Variants in ATP8B1 observed in about 807,000 individuals in gnomAD.
ATP8B1 encodes ATPase phospholipid transporting 8B1.
A neutral mutation model predicts 149.9 loss-of-function variants in ATP8B1; 80 were observed. The observed-to-expected ratio is 0.53, with a 90% CI of 0.45 to 0.64. The LOEUF (loss-of-function observed/expected upper bound fraction) is 0.64, where lower values mean the gene tolerates loss of function less well. Among genes scored for constraint, ATP8B1 ranks in the 30% least tolerant of loss-of-function variants. The pLI is 0.00. For synonymous variants in ATP8B1, 536 were observed against 562.8 expected (o/e 0.95, Z 0.67); for missense variants, 1,247 against 1,552.6 (o/e 0.80, Z 3.31).
intron 15 of ATP8B1, among the ~76,000 whole-genome samples, chr18:57,678,312 G>T (rs1251246357): frequency 6.6e-6 from 1 of 152,142 alleles, no homozygotes; most frequent in Non-Finnish European, 1.5e-5. Context: ...TTAGGGCAGG[G>T]CACGGTGGCT....
At chr18:57,694,804 C>T (rs745687546) in intron 10 of ATP8B1, 134 bp from the exon 11 acceptor site, 49 of 731,018 alleles carry the variant, frequency 6.7e-5, no homozygotes, top group Non-Finnish European at 1.1e-4. Flanking sequence ...CTGAGTTGGG[C>T]GGATCACCTG....
intron 18 of ATP8B1, 89 bp downstream of exon 18, chr18:57,669,229 A>C: frequency 7.5e-7 from 1 of 1,327,416 alleles, no homozygotes; most frequent in Non-Finnish European, 1.0e-6. Flanking sequence ...TTATCTCTTA[A>C]GCATGAGATC....
Position 57,648,246 on chromosome 18 carries a change from A to G in ATP8B1, c.*242T>C, listed in dbSNP as rs757204179. On this transcript the variant is annotated 3_prime_UTR_variant, in exon 28 of 28. Coordinates refer to ENST00000648908, the MANE Select transcript of ATP8B1 (RefSeq NM_001374385.1). ...GGTGATCTCCCCTCCTCAGCCTCCT[A>G]AAGTGCTGGGATTACAGACCTGAGC... The G allele has an allele frequency of 1.6e-4, 97 of 590,756 alleles. No homozygotes were observed. The highest frequency in any genetic ancestry group is 2.7e-4 in the Non-Finnish European group (89 of 330,014). The allele number at this position is 590,756 out of a possible 1,614,324, so 36.6% of individuals were successfully genotyped here.
At chr18:57,786,189 C>G (rs933797625) in intron 1 of ATP8B1, among the ~76,000 whole-genome samples, 1 of 152,186 alleles carries the variant, frequency 6.6e-6, no homozygotes, top group African/African-American at 2.4e-5. Flanking sequence ...AAGGTGGCCA[C>G]TAGTGTAAAC....
intron 1 of ATP8B1, among the ~76,000 whole-genome samples, chr18:57,759,520 C>T (rs1242810049): frequency 6.6e-6 from 1 of 151,742 alleles, no homozygotes; most frequent in East Asian, 1.9e-4. Flanking sequence ...ATCAAAGAAA[C>T]CAGGAAGGGC....
intron 2 of ATP8B1, among the ~76,000 whole-genome samples, chr18:57,712,048 C>CACATATATAT (rs1555694094): frequency 6.9e-6 from 1 of 144,332 alleles, no homozygotes; most frequent in African/African-American, 2.7e-5. Flanking sequence ...CCTCTATTGG[C>CACATATATAT]ATATATATAT....
At chr18:57,662,764 AT>A (rs1910556151) in intron 20 of ATP8B1, 149 bp from the exon 21 acceptor site, 15 of 935,872 alleles carry the variant, frequency 1.6e-5, no homozygotes, top group Middle Eastern at 3.4e-4. Flanking sequence ...TTTCATTATA[AT>A]TTTTTTGAGA....
At chr18:57,671,100 T>C (rs1445882960) in intron 17 of ATP8B1, among the ~76,000 whole-genome samples, 1 of 152,254 alleles carries the variant, frequency 6.6e-6, no homozygotes, top group Non-Finnish European at 1.5e-5. Flanking sequence ...TTCCTTCCTT[T>C]GCACTACAAC....
In ATP8B1 at chr18:57,689,227, T is replaced by G. The variant is rs1912408812; in HGVS notation, c.1221-720A>C. Among the ~76,000 whole-genome samples the G allele has an allele frequency of 5.3e-5, 8 of 152,254 alleles. No individual in the cohort carries two copies. In the South Asian group the frequency reaches 1.7e-3, roughly 32 times the overall value. On this transcript the variant is annotated intron_variant, in intron 12 of 27. Coordinates refer to ENST00000648908, the MANE Select transcript of ATP8B1 (RefSeq NM_001374385.1). ...CATTCCCCATAGCACCCAGGGGCAC[T>G]GGAATGGCCATGTTCACCTTTGCCC...
intron 11 of ATP8B1, among the ~76,000 whole-genome samples, chr18:57,694,237 A>G (rs1336788636): frequency 6.6e-6 from 1 of 152,116 alleles, no homozygotes; most frequent in African/African-American, 2.4e-5. Context: ...TGGGAAAGTA[A>G]CAGCAATGAA....
chr18:57,795,384 C>G (rs1197066840), intron 1 of ATP8B1, among the ~76,000 whole-genome samples: 1 of 152,030 alleles, frequency 6.6e-6, no homozygotes, highest in Non-Finnish European at 1.5e-5. Flanking sequence ...GCCTGGGCAA[C>G]AGAGTGAGAC....
chr18:57,788,589 A>C (rs1375525267), intron 1 of ATP8B1, among the ~76,000 whole-genome samples: 1 of 151,884 alleles, frequency 6.6e-6, no homozygotes, highest in Non-Finnish European at 1.5e-5. Context: ...AAAGAAAAGA[A>C]AATTAACTGC....
intron 1 of ATP8B1, among the ~76,000 whole-genome samples, chr18:57,770,433 C>T (rs2080254472): frequency 6.6e-6 from 1 of 152,252 alleles, no homozygotes; most frequent in South Asian, 2.1e-4. Flanking sequence ...GTTCTATATG[C>T]AATGGCACCA....
chr18:57,738,752 G>A (rs2079883318), intron 1 of ATP8B1, among the ~76,000 whole-genome samples: 1 of 152,016 alleles, frequency 6.6e-6, no homozygotes, highest in Non-Finnish European at 1.5e-5. Context: ...ATCTCTCCCT[G>A]GAAATGCTGC....
At chr18:57,691,599 A>ACTTG (rs2122869360) in intron 12 of ATP8B1, among the ~76,000 whole-genome samples, 1 of 152,360 alleles carries the variant, frequency 6.6e-6, no homozygotes, top group East Asian at 1.9e-4. Context: ...ATCTGCAAAC[A>ACTTG]GGATGAGATA....
intron 1 of ATP8B1, among the ~76,000 whole-genome samples, chr18:57,768,001 A>T (rs538176018): frequency 3.0e-4 from 45 of 152,312 alleles, no homozygotes; most frequent in East Asian, 1.9e-4. Flanking sequence ...ATTGATTTTT[A>T]AAAAATCTAT....
At chr18:57,781,481 A>G (rs928558336) in intron 1 of ATP8B1, among the ~76,000 whole-genome samples, 1 of 152,218 alleles carries the variant, frequency 6.6e-6, no homozygotes, top group Non-Finnish European at 1.5e-5. Flanking sequence ...TCCAGAGCTC[A>G]GAAAGATTAG....
chr18:57,690,925 C>A (rs1022320215), intron 12 of ATP8B1, among the ~76,000 whole-genome samples: 1 of 152,066 alleles, frequency 6.6e-6, no homozygotes, highest in Non-Finnish European at 1.5e-5. Context: ...CCTGTAATCC[C>A]AGCACTTTGG....
chr18:57,768,445 A>G (rs2123362476), intron 1 of ATP8B1, among the ~76,000 whole-genome samples: 1 of 151,524 alleles, frequency 6.6e-6, no homozygotes, highest in Non-Finnish European at 1.5e-5. Context: ...GAATTTTCTT[A>G]AGCTACTAAG....
Sources: allele counts gnomAD v4.1 joint callset (sites outside exome capture counted in the v4.1 genomes callset), GRCh38; gene constraint gnomAD v4.1.1; transcripts MANE v1.5; gene names NCBI Gene and HGNC (gene_info 2026-07-23, HGNC 2026-07-21).